Variants in CACNG2 observed in about 807,000 individuals in gnomAD.
CACNG2 encodes calcium voltage-gated channel auxiliary subunit gamma 2.
CACNG2 carries 3 observed loss-of-function variants against 25.9 expected under a neutral mutation model. The ratio of observed to expected loss-of-function variants is 0.12; its 90% CI spans 0.05 to 0.30. The LOEUF (loss-of-function observed/expected upper bound fraction) is 0.30, where lower values mean the gene tolerates loss of function less well. Ranked by LOEUF, CACNG2 falls within the 10% of genes least tolerant of loss-of-function variation. The probability of loss-of-function intolerance (pLI) is 1.00; values close to 1 mark genes in which losing one functional copy is unlikely to be tolerated. For missense variants in CACNG2, 341 were observed against 432.5 expected, an observed-to-expected ratio of 0.79 and a Z score of 1.88; for synonymous variants, 167 against 173.3, an observed-to-expected ratio of 0.96 and a Z score of 0.29.
intron 1 of CACNG2, among the ~76,000 whole-genome samples, chr22:36,636,392 T>C (rs1936358122): frequency 6.6e-6 from 1 of 152,156 alleles, no homozygotes; most frequent in Non-Finnish European, 1.5e-5. Context: ...CTCCTTGATG[T>C]TGCGCCTAGA....
intron 1 of CACNG2, among the ~76,000 whole-genome samples, chr22:36,681,963 T>C (rs1335543915): frequency 6.6e-6 from 1 of 152,232 alleles, no homozygotes; most frequent in Non-Finnish European, 1.5e-5. Flanking sequence ...CAAGTCTGCA[T>C]GCTCTCAGGG....
chr22:36,579,659 C>T (rs1935380880), intron 2 of CACNG2, among the ~76,000 whole-genome samples: 1 of 152,134 alleles, frequency 6.6e-6, no homozygotes, highest in South Asian at 2.1e-4. Context: ...AAAGCAGAGG[C>T]TCCCAAGTCC....
intron 1 of CACNG2, among the ~76,000 whole-genome samples, chr22:36,621,582 AAG>A (rs1555896538): frequency 6.6e-6 from 1 of 151,262 alleles, no homozygotes; most frequent in African/African-American, 2.4e-5. Flanking sequence ...AAAAAAAAAA[AAG>A]AAAAATGAAG....
chr22:36,613,156 CTGTGTG>C lies in CACNG2; in HGVS notation c.212-25614_212-25609del, dbSNP rs61572491. ...AAAAGTTCATTTCATTACAGGCTCT[CTGTGTG>C]TGTGTGTGTGTGTGTGTGTGTGTGT... On this transcript the variant is annotated intron_variant, in intron 1 of 3. Coordinates refer to ENST00000300105, the MANE Select transcript of CACNG2 (RefSeq NM_006078.5). Among the ~76,000 whole-genome samples the C allele has an allele frequency of 1.2e-3, 182 of 146,226 alleles. 1 individual carries two copies. In the Middle Eastern group the frequency reaches 0.014, roughly 11 times the overall value.
At chr22:36,651,895 G>A (rs1215447050) in intron 1 of CACNG2, among the ~76,000 whole-genome samples, 2 of 152,132 alleles carry the variant, frequency 1.3e-5, no homozygotes, top group East Asian at 1.9e-4. Flanking sequence ...ACAGAGTCTC[G>A]CTCTGTTGCC....
At chr22:36,636,519 T>C (rs1467641632) in intron 1 of CACNG2, among the ~76,000 whole-genome samples, 1 of 152,232 alleles carries the variant, frequency 6.6e-6, no homozygotes, top group East Asian at 1.9e-4. Flanking sequence ...TCCCTGATAA[T>C]GCAGAGTGGA....
chr22:36,699,190 G>A (rs892395544), intron 1 of CACNG2, among the ~76,000 whole-genome samples: 5 of 150,304 alleles, frequency 3.3e-5, no homozygotes, highest in African/African-American at 4.9e-5. Flanking sequence ...TCCCACCCAC[G>A]CTCCTCGAAT....
intron 1 of CACNG2, among the ~76,000 whole-genome samples, chr22:36,670,168 G>A (rs904639467): frequency 6.6e-6 from 1 of 152,280 alleles, no homozygotes; most frequent in South Asian, 2.1e-4. Flanking sequence ...CTGTGTGCCA[G>A]ATACTGTGAG....
At chr22:36,701,657 A>C (rs991183615) in intron 1 of CACNG2, among the ~76,000 whole-genome samples, 8 of 151,938 alleles carry the variant, frequency 5.3e-5, no homozygotes, top group African/African-American at 1.9e-4. Context: ...CCCGCAAGTG[A>C]ATTGCTGTTT....
At chr22:36,620,154 C>T (rs111318434) in intron 1 of CACNG2, among the ~76,000 whole-genome samples, 6 of 152,364 alleles carry the variant, frequency 3.9e-5, no homozygotes, top group African/African-American at 9.6e-5. Context: ...TCTAGGAAAT[C>T]CTACCCCATC....
intron 2 of CACNG2, among the ~76,000 whole-genome samples, chr22:36,571,849 C>T (rs2145910221): frequency 6.7e-6 from 1 of 150,316 alleles, no homozygotes; most frequent in African/African-American, 2.5e-5. Flanking sequence ...TGCACTCCAG[C>T]CTGGGCGTCA....
rs868015048 is a variant in CACNG2, at chr22:36,689,646, G to A, written c.211+12720C>T. Among the ~76,000 whole-genome samples, 11 of 152,334 alleles carry A rather than the reference G, an allele frequency of 7.2e-5. No homozygotes were observed. The Middle Eastern group carries it at 0.014, about 188-fold the overall frequency. On this transcript the variant is annotated intron_variant, in intron 1 of 3. Transcript: ENST00000300105. Reference sequence around the variant, plus strand: ...AAATGGAAATTTCTCTCTTCTCCATGAAGCTTTCCAAGGTAGAAATGAGAA... The same window carrying A: ...AAATGGAAATTTCTCTCTTCTCCATAAAGCTTTCCAAGGTAGAAATGAGAA...
At chr22:36,603,713 C>T (rs542082782) in intron 1 of CACNG2, among the ~76,000 whole-genome samples, 14 of 152,210 alleles carry the variant, frequency 9.2e-5, no homozygotes, top group Non-Finnish European at 1.8e-4. Flanking sequence ...AGCCTACATG[C>T]AGCATATCTA....
chr22:36,702,794 G>C lies in CACNG2; in HGVS notation c.-218C>G, dbSNP rs1370900645. On this transcript the variant is annotated 5_prime_UTR_variant, in exon 1 of 4. Coordinates refer to ENST00000300105, the MANE Select transcript of CACNG2 (RefSeq NM_006078.5). ...GTAAATTATAAAGATCACACGGGAA[G>C]AGGCTTGCCTTTTGAGATCAGAAAC... is the stretch of plus-strand genomic sequence containing the variant. 1 of 460,742 alleles carries C rather than the reference G, an allele frequency of 2.2e-6. No individual in the cohort carries two copies. Among genetic ancestry groups the C allele is most frequent in the African/African-American group, 2.0e-5 (1 of 49,832 alleles). 28.5% of individuals were successfully genotyped at this position (460,742 alleles called of 1,614,324 possible). A position where few individuals can be genotyped will look rare whatever the true frequency, so the allele number is the denominator to read the frequency against.
chr22:36,650,573 C>T (rs1023493055), intron 1 of CACNG2, among the ~76,000 whole-genome samples: 5 of 152,144 alleles, frequency 3.3e-5, no homozygotes, highest in African/African-American at 1.2e-4. Flanking sequence ...ATGGGGGTCT[C>T]ACTGTGTTGC....
chr22:36,628,454 G>C (rs5756272), intron 1 of CACNG2, among the ~76,000 whole-genome samples: 1 of 152,046 alleles, frequency 6.6e-6, no homozygotes, highest in African/African-American at 2.4e-5. Flanking sequence ...TAGTTATAAC[G>C]AGCAAGGGAA....
At chr22:36,659,911 G>A (rs973470269) in intron 1 of CACNG2, among the ~76,000 whole-genome samples, 6 of 151,910 alleles carry the variant, frequency 3.9e-5, no homozygotes, top group African/African-American at 1.5e-4. Context: ...AGAAGAGCCT[G>A]ACTCATTCGC....
At chr22:36,652,167 G>T (rs1333849596) in intron 1 of CACNG2, among the ~76,000 whole-genome samples, 2 of 152,126 alleles carry the variant, frequency 1.3e-5, no homozygotes, top group African/African-American at 4.8e-5. Flanking sequence ...TGCCCATCCT[G>T]TTTCTTAAAT....
At chr22:36,627,438 C>T (rs968826145) in intron 1 of CACNG2, among the ~76,000 whole-genome samples, 7 of 152,000 alleles carry the variant, frequency 4.6e-5, no homozygotes, top group Non-Finnish European at 7.4e-5. Flanking sequence ...GGCATGCTCA[C>T]GGTAACACAT....
Sources: gnomAD v4.1 joint callset for allele counts (sites outside exome capture counted in the v4.1 genomes callset) on GRCh38, gnomAD v4.1.1 for gene constraint, MANE v1.5 for transcripts, NCBI Gene and HGNC (gene_info 2026-07-23, HGNC 2026-07-21) for gene names.